Variants in DIDO1 observed in about 807,000 individuals in gnomAD.
DIDO1 encodes the protein death-inducer obliterator 1.
A neutral mutation model predicts 99.4 loss-of-function variants in DIDO1; 16 were observed. That is an observed-to-expected ratio of 0.16 (90% CI 0.11 to 0.24). The LOEUF (loss-of-function observed/expected upper bound fraction) is 0.24, where lower values mean the gene tolerates loss of function less well. Among genes scored for constraint, DIDO1 ranks in the 10% least tolerant of loss-of-function variants. The pLI, the probability that DIDO1 is intolerant of heterozygous loss-of-function variation, is 1.00. For missense variants in DIDO1, 2,996 were observed against 3,014.0 expected (o/e 0.99, Z 0.14); for synonymous variants, 1,366 against 1,239.1 (o/e 1.10, Z -2.15).
chr20:62,935,455 C>T (rs1043867090), intron 1 of DIDO1, among the ~76,000 whole-genome samples: 1 of 152,098 alleles, frequency 6.6e-6, no homozygotes, highest in Non-Finnish European at 1.5e-5. Flanking sequence ...CTAAGAGCTA[C>T]GAAGAGCTAA....
At chr20:62,886,002 C>T (rs1198565511) in intron 15 of DIDO1, among the ~76,000 whole-genome samples, 2 of 152,206 alleles carry the variant, frequency 1.3e-5, no homozygotes, top group African/African-American at 4.8e-5. Context: ...GCAGCTGCCC[C>T]GTGGTGTGTG....
chr20:62,887,908 C>G (rs1408322485), intron 15 of DIDO1: 1 of 985,356 alleles, frequency 1.0e-6, no homozygotes, highest in African/African-American at 1.7e-5. Context: ...AGAGTGCCCC[C>G]ACTGCGGGGC....
At chr20:62,921,984 TC>T (rs564034957) in intron 1 of DIDO1, among the ~76,000 whole-genome samples, 228 of 150,104 alleles carry the variant, frequency 1.5e-3, no homozygotes, top group African/African-American at 5.3e-3. Context: ...TATACATATG[TC>T]CACAATATAT....
Position 62,907,262 on chromosome 20 carries a change from T to C in DIDO1, c.1259A>G (p.Lys420Arg), listed in dbSNP as rs748946495. Reference sequence around the variant, plus strand: ...AAACTTCATTGTCGCTGCGGCGTGTTTGAGGATACAGTCATTACTGCAGTA... The same window carrying C: ...AAACTTCATTGTCGCTGCGGCGTGTCTGAGGATACAGTCATTACTGCAGTA... ...SVYCSNDCIL[K>R]HAAATMKFLS... The change falls in exon 5 of 16, where the codon AAA becomes AGA. Residue 420 changes from lysine (K) to arginine (R), a missense_variant. Lys to Arg is a conservative substitution (Grantham distance 26, BLOSUM62 2). Transcript: ENST00000395343. The C allele has an allele frequency of 3.1e-6, 5 of 1,614,112 alleles. No individual in the cohort carries two copies. The Admixed American group carries it at 5.0e-5, about 16-fold the overall frequency.
chr20:62,916,110 C>A lies in DIDO1; in HGVS notation c.-199-1704G>T, dbSNP rs2065032697. ...ACAAGCAAAAAAACCTGTTCTAACA[C>A]AACTTTTTGTGTGTATAATTAGTGT... On this transcript the variant is annotated intron_variant, in intron 1 of 15. Transcript: ENST00000395343. Among the ~76,000 whole-genome samples the A allele has an allele frequency of 2.0e-5, 3 of 152,280 alleles. No individual in the cohort carries two copies. In the South Asian group the frequency reaches 6.2e-4, roughly 32 times the overall value.
chr20:62,895,723 T>C (rs1169240033), intron 8 of DIDO1, among the ~76,000 whole-genome samples: 1 of 152,198 alleles, frequency 6.6e-6, no homozygotes, highest in Non-Finnish European at 1.5e-5. Context: ...CCTCGTCGCA[T>C]GGCCCATGCT....
At chr20:62,910,107 C>T in intron 3 of DIDO1, 87 bp from the exon 4 acceptor site, 5 of 1,390,514 alleles carry the variant, frequency 3.6e-6, no homozygotes, top group Non-Finnish European at 4.8e-6. Context: ...GTTTTAACTT[C>T]ATGAAAAAAT....
At chr20:62,934,819 G>C (rs2065365853) in intron 1 of DIDO1, among the ~76,000 whole-genome samples, 1 of 152,140 alleles carries the variant, frequency 6.6e-6, no homozygotes, top group Non-Finnish European at 1.5e-5. Flanking sequence ...TCTCGAAACT[G>C]GACACCCTGT....
At chr20:62,887,069 C>T in intron 15 of DIDO1, 1 of 977,276 alleles carries the variant, frequency 1.0e-6, no homozygotes, top group Non-Finnish European at 1.2e-6. Flanking sequence ...CCAGCCTGCA[C>T]TGCGTCCTCT....
At chr20:62,931,581 G>A (rs920977467) in intron 1 of DIDO1, among the ~76,000 whole-genome samples, 1 of 152,154 alleles carries the variant, frequency 6.6e-6, no homozygotes, top group Non-Finnish European at 1.5e-5. Context: ...CCACGGAATA[G>A]AGACCCGCGA....
At position 62,887,958 on chromosome 20, in the gene DIDO1, A is replaced by G. The variant is rs896537316; in HGVS notation, c.3541+3002T>C. 2.1e-5 allele frequency: 21 copies of G among 985,382 alleles called. No individual in the cohort carries two copies. The East Asian group carries it at 9.1e-4, about 43-fold the overall frequency. 61.0% of individuals were successfully genotyped at this position (985,382 alleles called of 1,614,324 possible). On this transcript the variant is annotated intron_variant, in intron 15 of 15. Transcript: ENST00000395343. Reference sequence around the variant, plus strand: ...AGACAACCCGGTGTTTCTGTGGACAAATCATTAAGATATGCAAGGACAAAT... The same window carrying G: ...AGACAACCCGGTGTTTCTGTGGACAGATCATTAAGATATGCAAGGACAAAT...
Position 62,879,358 on chromosome 20 carries a change from C to G in DIDO1, c.6598G>C (p.Asp2200His), listed in dbSNP as rs746412012. ...DRSRSRERDRDKARDRERGRD... is the reference protein window; with the variant it reads ...DRSRSRERDRHKARDRERGRD... ...CCCCGCTCCCTGTCCCTGGCCTTGT[C>G]TCGGTCCCGCTCTCTGCTCCGGGAC... is the stretch of plus-strand genomic sequence containing the variant. The change falls in exon 16 of 16, where the codon GAC becomes CAC. Residue 2200 changes from aspartate (D) to histidine (H), a missense_variant. Asp to His is a moderately conservative substitution (Grantham distance 81, BLOSUM62 -1). Coordinates refer to ENST00000395343, the MANE Select transcript of DIDO1 (RefSeq NM_001193369.2). The surrounding 1 kb of genome is among the most constrained non-coding windows in gnomAD (Gnocchi z 6.3). The G allele has an allele frequency of 6.5e-7, 1 of 1,549,366 alleles. No individual in the cohort carries two copies.
chr20:62,926,257 C>G (rs1360666116), intron 1 of DIDO1, among the ~76,000 whole-genome samples, 182 bp downstream of exon 1: 1 of 26,086 alleles, frequency 3.8e-5, no homozygotes, highest in East Asian at 1.6e-3. Flanking sequence ...CCCGCCCGCT[C>G]GCCCGCCCGC....
intron 1 of DIDO1, among the ~76,000 whole-genome samples, chr20:62,923,849 A>AGAAAT (rs1175995610): frequency 6.6e-6 from 1 of 152,242 alleles, no homozygotes; most frequent in African/African-American, 2.4e-5. Flanking sequence ...ACCCAAGGAG[A>AGAAAT]GAAATGCCTC....
chr20:62,889,396 T>C, intron 15 of DIDO1: 1 of 985,406 alleles, frequency 1.0e-6, no homozygotes, highest in Non-Finnish European at 1.2e-6. Context: ...AGCTCCAAGT[T>C]TGGAGATGAG....
In DIDO1 at chr20:62,894,949, T is replaced by C; in HGVS notation, c.2332-35A>G. 1.2e-6 allele frequency: 2 copies of C among 1,605,878 alleles called. No individual in the cohort carries two copies. Among genetic ancestry groups the C allele is most frequent in the South Asian group, 2.2e-5 (2 of 90,460 alleles). The stretch of plus-strand genomic sequence containing the variant: ...AAAAGACGAAACAGAGCTTAGGCCT[T>C]GTTTTCTAGGAGGAAAGCATCGCTT... On this transcript the variant is annotated intron_variant, in intron 9 of 15. Transcript: ENST00000395343. This position sits in a 1 kb window ranked among gnomAD's most constrained non-coding sequence, Gnocchi z 4.4.
rs188241865 is a variant in DIDO1 at position 62,888,603 on chromosome 20, C to T, written c.3541+2357G>A. On this transcript the variant is annotated intron_variant, in intron 15 of 15. Transcript: ENST00000395343. The stretch of plus-strand genomic sequence containing the variant: ...TGTCCAAGGGCTTCTGGGCTATCTC[C>T]GTGAGGACAGGGTCCGCTGAGACAG... The T allele has an allele frequency of 1.8e-3, 1,821 of 985,576 alleles. 17 individuals carry two copies. In the African/African-American group the frequency reaches 0.027, roughly 15 times the overall value. The allele number at this position is 985,576 out of a possible 1,614,324, so 61.1% of individuals were successfully genotyped here. A position where few individuals can be genotyped will look rare whatever the true frequency, so the allele number is the denominator to read the frequency against.
Position 62,910,880 on chromosome 20 carries a change from C to T in DIDO1, c.733G>A (p.Asp245Asn), listed in dbSNP as rs1392611637. 6.2e-7 allele frequency: 1 copy of T among 1,614,164 alleles called. No individual in the cohort carries two copies. Among genetic ancestry groups the T allele is most frequent in the South Asian group, 1.1e-5 (1 of 91,086 alleles). The change falls in exon 3 of 16, where the codon GAC becomes AAC. Residue 245 changes from aspartate to asparagine, a missense_variant. Around this residue, in one of 5 missense-constraint regions of DIDO1, gnomAD observed 388 missense variants for 376.6 expected, o/e 1.03. Transcript: ENST00000395343. ...TCTCCAGGCTCCTCATCTTTGATGT[C>T]CTGAGCCGCCTTTCCCTCCAACTTA... ...ESKLEGKAAQDIKDEEPGDLG... is the reference protein window; with the variant it reads ...ESKLEGKAAQNIKDEEPGDLG...
chr20:62,928,216 A>C (rs1041356615), upstream of DIDO1, among the ~76,000 whole-genome samples: 1 of 152,254 alleles, frequency 6.6e-6, no homozygotes, highest in African/African-American at 2.4e-5. Context: ...CACTCAGGAG[A>C]GATAGATGGA....
Sources: allele counts gnomAD v4.1 joint callset (sites outside exome capture counted in the v4.1 genomes callset), GRCh38; gene constraint gnomAD v4.1.1; regional missense constraint gnomAD v4.1.1; non-coding constraint Gnocchi (gnomAD v3.1); transcripts MANE v1.5; gene names NCBI Gene and HGNC (gene_info 2026-07-23, HGNC 2026-07-21).